Variants in RPAP2 observed in about 807,000 individuals in gnomAD.
RPAP2 encodes RNA polymerase II associated protein 2.
RPAP2 carries 52 observed loss-of-function variants against 73.1 expected under a neutral mutation model. That is an observed-to-expected ratio of 0.71 (90% confidence interval 0.57 to 0.90). The LOEUF is 0.90. Among genes scored for constraint, RPAP2 ranks in the 40% least tolerant of loss-of-function variants. RPAP2 has a pLI of 0.00. For synonymous variants in RPAP2, 225 were observed against 242.1 expected, an observed-to-expected ratio of 0.93 and a Z score of 0.65; for missense variants, 598 against 701.8, an observed-to-expected ratio of 0.85 and a Z score of 1.67.
At chr1:92,374,498 A>G (rs1482592486) in intron 11 of RPAP2, among the ~76,000 whole-genome samples, 1 of 152,196 alleles carries the variant, frequency 6.6e-6, no homozygotes, top group African/African-American at 2.4e-5. Context: ...CTCCAAGCTC[A>G]GTGCTTGGAC....
At chr1:92,373,427 A>G (rs2101428908) in intron 11 of RPAP2, among the ~76,000 whole-genome samples, 1 of 152,274 alleles carries the variant, frequency 6.6e-6, no homozygotes, top group South Asian at 2.1e-4. Context: ...TTGGTTACTA[A>G]GCATCCTCCA....
intron 11 of RPAP2, among the ~76,000 whole-genome samples, chr1:92,357,977 G>A (rs568410791): frequency 1.1e-4 from 16 of 152,252 alleles, no homozygotes; most frequent in South Asian, 4.1e-4. Flanking sequence ...CCTAGGCTGC[G>A]GTGCAGTGGC....
chr1:92,396,631 T>TA lies in RPAP2; in HGVS notation c.*9620_*9621insA. The TA allele has an allele frequency of 1.7e-5, 2 of 120,058 alleles. No homozygotes were observed. The highest frequency in any genetic ancestry group is 3.6e-5 in the Non-Finnish European group (2 of 55,856). 7.4% of individuals were successfully genotyped at this position (120,058 alleles called of 1,614,324 possible). On this transcript the variant is annotated 3_prime_UTR_variant, in exon 13 of 13. Transcript: ENST00000610020. The stretch of plus-strand genomic sequence containing the variant: ...ACTAAGTTGTAATTTTTGCACAACT[T>TA]TTATGTGTGTGTGTGTGTGTGTGTG...
rs553822077 is a variant in RPAP2 at position 92,300,680 on chromosome 1, T to C, written c.119+441T>C. Among the ~76,000 whole-genome samples the C allele has an allele frequency of 2.6e-5, 4 of 152,370 alleles. No individual in the cohort carries two copies. The East Asian group carries it at 7.7e-4, about 29-fold the overall frequency. On this transcript the variant is annotated intron_variant, in intron 2 of 12. Coordinates refer to ENST00000610020, the MANE Select transcript of RPAP2 (RefSeq NM_024813.3). Reference sequence around the variant, plus strand: ...ATTACCACATATCACACAGAGTTTCTAGAAGAGGAGTAGAATGTGAAGGGG... The same window carrying C: ...ATTACCACATATCACACAGAGTTTCCAGAAGAGGAGTAGAATGTGAAGGGG...
intron 11 of RPAP2, among the ~76,000 whole-genome samples, chr1:92,369,859 A>C (rs578206430): frequency 7.6e-4 from 116 of 152,264 alleles, no homozygotes; most frequent in African/African-American, 2.7e-3. Context: ...AAGAAAGATA[A>C]CCTGAAAGTA....
intron 6 of RPAP2, among the ~76,000 whole-genome samples, chr1:92,312,311 T>G (rs1651638704): frequency 1.3e-5 from 2 of 152,158 alleles, no homozygotes; most frequent in South Asian, 4.2e-4. Context: ...TTGTAGCTAC[T>G]TGGGATGCTG....
chr1:92,317,364 TG>T (rs1393912051), intron 6 of RPAP2, among the ~76,000 whole-genome samples: 1 of 151,912 alleles, frequency 6.6e-6, no homozygotes, highest in Non-Finnish European at 1.5e-5. Flanking sequence ...AAAAATGAGC[TG>T]GGCGTAGTGG....
At chr1:92,367,866 C>A (rs1654990618) in intron 11 of RPAP2, among the ~76,000 whole-genome samples, 1 of 152,134 alleles carries the variant, frequency 6.6e-6, no homozygotes, top group Non-Finnish European at 1.5e-5. Flanking sequence ...TTTGATTTTG[C>A]AAATTTGGAA....
chr1:92,365,019 C>T (rs1654881146), intron 11 of RPAP2, among the ~76,000 whole-genome samples: 1 of 152,164 alleles, frequency 6.6e-6, no homozygotes, highest in Non-Finnish European at 1.5e-5. Context: ...GACTGTTTCC[C>T]CCACAATCAT....
At position 92,322,575 on chromosome 1, in the gene RPAP2, A is replaced by G. The variant is rs546656150; in HGVS notation, c.525-870A>G. 9.0e-4 allele frequency among the ~76,000 whole-genome samples: 135 copies of G among 150,558 alleles called. 1 individual carries two copies. Among genetic ancestry groups the G allele is most frequent in the African/African-American group, 2.7e-3 (113 of 41,296 alleles). On this transcript the variant is annotated intron_variant, in intron 7 of 12. Coordinates refer to ENST00000610020, the MANE Select transcript of RPAP2 (RefSeq NM_024813.3). ...ATAAAAATAAAATAAAATACAAAAA[A>G]TAAAAAATAAAAAGCTCAGCCGGGC...
At chr1:92,361,432 AATT>A (rs1654729196) in intron 11 of RPAP2, among the ~76,000 whole-genome samples, 1 of 152,288 alleles carries the variant, frequency 6.6e-6, no homozygotes, top group South Asian at 2.1e-4. Flanking sequence ...AACTTGGATA[AATT>A]ATTGTTGATA....
At chr1:92,328,233 A>G (rs1314924549) in intron 8 of RPAP2, among the ~76,000 whole-genome samples, 1 of 152,184 alleles carries the variant, frequency 6.6e-6, no homozygotes, top group East Asian at 1.9e-4. Context: ...TTCCTTGATT[A>G]TTCCCTCAAA....
At chr1:92,375,721 C>T (rs1372466275) in intron 11 of RPAP2, among the ~76,000 whole-genome samples, 1 of 152,128 alleles carries the variant, frequency 6.6e-6, no homozygotes, top group Non-Finnish European at 1.5e-5. Context: ...ATTCCAGCTA[C>T]TCAGGAGGCT....
intron 9 of RPAP2, among the ~76,000 whole-genome samples, chr1:92,334,496 CAGTT>C (rs983829056): frequency 9.9e-5 from 15 of 151,920 alleles, no homozygotes; most frequent in Non-Finnish European, 1.5e-4. Flanking sequence ...AAAATGGAAA[CAGTT>C]AGGGGTCAAA....
intron 10 of RPAP2, among the ~76,000 whole-genome samples, chr1:92,342,724 G>A (rs1378281236): frequency 6.6e-6 from 1 of 152,116 alleles, no homozygotes; most frequent in Non-Finnish European, 1.5e-5. Flanking sequence ...TTTTGAAGGT[G>A]GAATCATTAG....
At chr1:92,309,568 CACATAT>C (rs1175911319) in intron 6 of RPAP2, among the ~76,000 whole-genome samples, 27 of 8,244 alleles carry the variant, frequency 3.3e-3, no homozygotes, top group South Asian at 0.026. Context: ...CATACACATA[CACATAT>C]ACATATACAT....
Position 92,389,448 on chromosome 1 carries a change from GAA to G in RPAP2, c.*2439_*2440del, listed in dbSNP as rs1655974768. 1 of 152,174 alleles carries G rather than the reference GAA, an allele frequency of 6.6e-6. No homozygotes were observed. Among genetic ancestry groups the G allele is most frequent in the Non-Finnish European group, 1.5e-5 (1 of 68,040 alleles). The allele number at this position is 152,174 out of a possible 1,614,324, so 9.4% of individuals were successfully genotyped here. A position where few individuals can be genotyped will look rare whatever the true frequency, so the allele number is the denominator to read the frequency against. On this transcript the variant is annotated 3_prime_UTR_variant, in exon 13 of 13. Transcript: ENST00000610020. ...ACAAAGATGGGGAGAAACCAGACCA[GAA>G]AGGCTGAAAATTCCAAAAACCAGAA... is the stretch of plus-strand genomic sequence containing the variant.
intron 8 of RPAP2, among the ~76,000 whole-genome samples, chr1:92,331,025 G>T (rs1652932457): frequency 6.6e-6 from 1 of 152,120 alleles, no homozygotes; most frequent in Admixed American, 6.5e-5. Context: ...GTTTTGGTCT[G>T]CTCATTCCAT....
chr1:92,309,902 G>T (rs1484746273), intron 6 of RPAP2, among the ~76,000 whole-genome samples: 4 of 152,272 alleles, frequency 2.6e-5, no homozygotes, highest in Non-Finnish European at 5.9e-5. Flanking sequence ...TCAAGTATTG[G>T]GGAGCCATCA....
Sources: gnomAD v4.1 joint callset for allele counts (sites outside exome capture counted in the v4.1 genomes callset) on GRCh38, gnomAD v4.1.1 for gene constraint, MANE v1.5 for transcripts, NCBI Gene and HGNC (gene_info 2026-07-23, HGNC 2026-07-21) for gene names.